Variants in SYN2 observed in about 807,000 individuals in gnomAD.
The protein encoded by SYN2 is synapsin II.
In SYN2, 19 loss-of-function variants were observed where a neutral mutation model predicts 50.9. The observed-to-expected ratio is 0.37, with a 90% CI of 0.26 to 0.55. The LOEUF (loss-of-function observed/expected upper bound fraction) is 0.55. Among genes scored for constraint, SYN2 ranks in the 20% least tolerant of loss-of-function variants. SYN2 has a pLI of 0.81. For synonymous variants in SYN2, 255 were observed against 224.9 expected (o/e 1.13, Z -1.20); for missense variants, 587 against 576.4 (o/e 1.02, Z -0.19).
chr3:12,115,081 C>G (rs890877790), intron 1 of SYN2, among the ~76,000 whole-genome samples: 3 of 152,138 alleles, frequency 2.0e-5, no homozygotes, highest in Non-Finnish European at 2.9e-5. Context: ...AAAGAATGAT[C>G]TAATTTTCAT....
At chr3:12,082,794 C>T (rs1343901557) in intron 1 of SYN2, among the ~76,000 whole-genome samples, 1 of 152,078 alleles carries the variant, frequency 6.6e-6, no homozygotes, top group Non-Finnish European at 1.5e-5. Context: ...AGTTAGAAGT[C>T]AGGATACTTG....
intron 1 of SYN2, among the ~76,000 whole-genome samples, chr3:12,102,769 A>G (rs867253502): frequency 1.2e-4 from 18 of 152,280 alleles, no homozygotes; most frequent in Middle Eastern, 3.4e-3. Context: ...TGAGCAAGTC[A>G]TGGAACTCAG....
At chr3:12,073,891 C>G (rs1367926309) in intron 1 of SYN2, among the ~76,000 whole-genome samples, 1 of 152,100 alleles carries the variant, frequency 6.6e-6, no homozygotes, top group African/African-American at 2.4e-5. Flanking sequence ...TATTCACATA[C>G]TTGGTAATTT....
At chr3:12,083,932 T>C (rs758114539) in intron 1 of SYN2, among the ~76,000 whole-genome samples, 44 of 152,174 alleles carry the variant, frequency 2.9e-4, no homozygotes, top group Non-Finnish European at 5.9e-4. Context: ...TTAGAGACCA[T>C]ATAATGTGTT....
intron 5 of SYN2, chr3:12,153,668 G>T (rs766266939): frequency 1.2e-6 from 2 of 1,614,222 alleles, no homozygotes; most frequent in Non-Finnish European, 1.7e-6. Flanking sequence ...AGAGGCACTC[G>T]TTAGGGGCCG....
At chr3:12,041,979 A>G (rs1175518710) in intron 1 of SYN2, among the ~76,000 whole-genome samples, 3 of 152,100 alleles carry the variant, frequency 2.0e-5, no homozygotes, top group East Asian at 1.9e-4. Flanking sequence ...TCTTCCTTCA[A>G]TGCTAGCATT....
At chr3:12,091,330 T>G (rs1230564909) in intron 1 of SYN2, among the ~76,000 whole-genome samples, 1 of 152,188 alleles carries the variant, frequency 6.6e-6, no homozygotes, top group Non-Finnish European at 1.5e-5. Context: ...TGCTCTAATA[T>G]TTTCTCAGAA....
chr3:12,127,308 T>G (rs767902513), intron 1 of SYN2, among the ~76,000 whole-genome samples: 69 of 152,248 alleles, frequency 4.5e-4, no homozygotes, highest in Non-Finnish European at 9.4e-4. Context: ...ATTTCTCTAT[T>G]AAGGCATGAG....
chr3:12,048,170 G>A (rs73813112), intron 1 of SYN2, among the ~76,000 whole-genome samples: 13,780 of 152,064 alleles, frequency 0.091, 2,049 homozygotes, highest in African/African-American at 0.31. Flanking sequence ...GGCTTATTAT[G>A]AGATTTTGTT....
At chr3:12,038,682 T>G (rs1050942365) in intron 1 of SYN2, among the ~76,000 whole-genome samples, 1 of 152,198 alleles carries the variant, frequency 6.6e-6, no homozygotes, top group Non-Finnish European at 1.5e-5. Flanking sequence ...GTAAATTGAA[T>G]TGGTCCCTTT....
At chr3:12,066,025 G>A (rs1442061850) in intron 1 of SYN2, among the ~76,000 whole-genome samples, 1 of 152,062 alleles carries the variant, frequency 6.6e-6, no homozygotes, top group Non-Finnish European at 1.5e-5. Flanking sequence ...ATGGGTACAT[G>A]GTTTCTGTTT....
At chr3:12,040,816 T>C (rs928135479) in intron 1 of SYN2, among the ~76,000 whole-genome samples, 2 of 152,210 alleles carry the variant, frequency 1.3e-5, no homozygotes, top group Non-Finnish European at 2.9e-5. Flanking sequence ...AAGGTGTTGA[T>C]AGAAAAGTCA....
intron 1 of SYN2, among the ~76,000 whole-genome samples, chr3:12,130,153 T>C (rs1183164986): frequency 3.9e-5 from 6 of 151,988 alleles, no homozygotes; most frequent in Non-Finnish European, 8.8e-5. Flanking sequence ...TGTGTGTACA[T>C]ATATATATGT....
At chr3:12,184,358 T>C in intron 11 of SYN2, 1 of 985,896 alleles carries the variant, frequency 1.0e-6, no homozygotes, top group African/African-American at 1.7e-5. Flanking sequence ...CTGCTTTCTG[T>C]TCCCAAAGCT....
chr3:12,167,162 T>G, intron 7 of SYN2, 72 bp from the exon 8 acceptor site: 1 of 1,500,348 alleles, frequency 6.7e-7, no homozygotes, highest in Non-Finnish European at 9.1e-7. Context: ...ACTAAAATTC[T>G]GGAAAGTTGC....
intron 5 of SYN2, among the ~76,000 whole-genome samples, chr3:12,155,623 A>G (rs1697432462): frequency 6.6e-6 from 1 of 152,192 alleles, no homozygotes. Flanking sequence ...GGTCACAAAG[A>G]GCTTTCAACA....
intron 10 of SYN2, among the ~76,000 whole-genome samples, chr3:12,176,344 C>T (rs1052394193): frequency 6.6e-6 from 1 of 152,192 alleles, no homozygotes; most frequent in African/African-American, 2.4e-5. Flanking sequence ...ACTGGTTCCA[C>T]TCTTTTTATT....
intron 1 of SYN2, among the ~76,000 whole-genome samples, chr3:12,029,144 C>T (rs1694326691): frequency 1.1e-5 from 1 of 91,498 alleles, no homozygotes; most frequent in Non-Finnish European, 2.0e-5. Context: ...ATCCTTTCCC[C>T]ATTGCTTGTT....
intron 10 of SYN2, among the ~76,000 whole-genome samples, chr3:12,182,463 G>A (rs1698243783): frequency 6.6e-6 from 1 of 152,200 alleles, no homozygotes; most frequent in Admixed American, 6.5e-5. Context: ...AAGTCGCACA[G>A]GTCTTTAATC....
Sources: allele counts gnomAD v4.1 joint callset (sites outside exome capture counted in the v4.1 genomes callset), GRCh38; gene constraint gnomAD v4.1.1; transcripts MANE v1.5; gene names NCBI Gene and HGNC (gene_info 2026-07-23, HGNC 2026-07-21).